RNF150: variants seen among roughly 807,000 people sequenced by gnomAD.
The protein encoded by RNF150 is ring finger protein 150.
A neutral mutation model predicts 39.3 loss-of-function variants in RNF150; 24 were observed. The ratio of observed to expected loss-of-function variants is 0.61; its 90% CI spans 0.44 to 0.86. The LOEUF is 0.86. Among genes scored for constraint, RNF150 ranks in the 40% least tolerant of loss-of-function variants. RNF150 has a pLI of 0.00. For synonymous variants in RNF150, 255 were observed against 227.3 expected, an observed-to-expected ratio of 1.12 and a Z score of -1.10; for missense variants, 502 against 587.8, an observed-to-expected ratio of 0.85 and a Z score of 1.51.
At chr4:141,102,922 G>A (rs1304974236) in intron 1 of RNF150, among the ~76,000 whole-genome samples, 2 of 152,162 alleles carry the variant, frequency 1.3e-5, no homozygotes, top group Non-Finnish European at 1.5e-5. Context: ...GAGGGGCCAG[G>A]GTGGTAATGG....
intron 1 of RNF150, among the ~76,000 whole-genome samples, chr4:141,183,813 C>T (rs892095125): frequency 8.5e-5 from 13 of 152,118 alleles, no homozygotes; most frequent in Admixed American, 3.9e-4. Flanking sequence ...CAGCTTCATC[C>T]ATGTCCTTGC....
chr4:141,140,445 T>C (rs1261416045), intron 1 of RNF150, among the ~76,000 whole-genome samples: 5 of 152,224 alleles, frequency 3.3e-5, no homozygotes, highest in Admixed American at 2.6e-4. Flanking sequence ...AAAAACTCAT[T>C]TGAGACTTGA....
intron 1 of RNF150, among the ~76,000 whole-genome samples, chr4:141,118,864 G>A (rs920849012): frequency 4.6e-5 from 7 of 152,082 alleles, no homozygotes; most frequent in East Asian, 1.9e-4. Flanking sequence ...GGGTTCAAGC[G>A]ATTCTCCTGC....
chr4:141,090,102 A>T (rs1353069384), intron 1 of RNF150, among the ~76,000 whole-genome samples: 1 of 152,174 alleles, frequency 6.6e-6, no homozygotes, highest in Admixed American at 6.5e-5. Flanking sequence ...AAGTGTGACA[A>T]TGTTAACATG....
intron 1 of RNF150, among the ~76,000 whole-genome samples, chr4:141,067,811 T>C (rs115563503): frequency 8.9e-4 from 135 of 152,246 alleles, no homozygotes; most frequent in Admixed American, 1.7e-3. Flanking sequence ...ATAGGAAACA[T>C]ACATGTCAAA....
chr4:141,207,888 G>A (rs1219904542), intron 1 of RNF150, among the ~76,000 whole-genome samples: 1 of 152,114 alleles, frequency 6.6e-6, no homozygotes, highest in African/African-American at 2.4e-5. Context: ...GGTTTAGTCA[G>A]GACAAAAGAA....
Position 140,967,888 on chromosome 4 carries a change from G to A in RNF150, c.485-15C>T, listed in dbSNP as rs1213737691. 1 of 1,611,058 alleles carries A rather than the reference G, an allele frequency of 6.2e-7. No individual in the cohort carries two copies. The highest frequency in any genetic ancestry group is 8.5e-7 in the Non-Finnish European group (1 of 1,177,670). ...GTCTTCTACACCTGTGGTAAGAGGG[G>A]AAGGAAGGGGCAATAAAGGTTAGGG... On this transcript the variant is annotated splice_polypyrimidine_tract_variant and intron_variant, in intron 1 of 6. Transcript: ENST00000515673.
At chr4:141,142,451 T>C (rs1727132991) in intron 1 of RNF150, among the ~76,000 whole-genome samples, 1 of 152,222 alleles carries the variant, frequency 6.6e-6, no homozygotes, top group Non-Finnish European at 1.5e-5. Flanking sequence ...TAGTCTCACC[T>C]GAAAAGAATC....
chr4:140,921,196 AATAATATAATTG>A (rs1383557475), intron 5 of RNF150, among the ~76,000 whole-genome samples: 2 of 151,090 alleles, frequency 1.3e-5, no homozygotes, highest in Admixed American at 6.6e-5. Flanking sequence ...TAATAATAAT[AATAATATAATTG>A]ATAGACCGCT....
intron 1 of RNF150, among the ~76,000 whole-genome samples, chr4:141,016,288 G>A (rs7688351): frequency 0.15 from 22,378 of 152,134 alleles, 2,122 homozygotes; most frequent in East Asian, 0.36. Flanking sequence ...AAGACTGACC[G>A]AAACAGGGAA....
At chr4:140,915,934 A>G (rs1281084791) in intron 5 of RNF150, among the ~76,000 whole-genome samples, 1 of 152,226 alleles carries the variant, frequency 6.6e-6, no homozygotes, top group African/African-American at 2.4e-5. Context: ...CCAGGCAAAC[A>G]GGGTCTGGAG....
intron 1 of RNF150, among the ~76,000 whole-genome samples, chr4:141,032,047 C>G (rs911907739): frequency 6.6e-6 from 1 of 151,226 alleles, no homozygotes; most frequent in African/African-American, 2.4e-5. Context: ...TATATATAAA[C>G]ATATATATAC....
chr4:141,017,217 C>T (rs1379706518), intron 1 of RNF150, among the ~76,000 whole-genome samples: 1 of 152,130 alleles, frequency 6.6e-6, no homozygotes, highest in Non-Finnish European at 1.5e-5. Flanking sequence ...TGTCAACTTT[C>T]TCAAAAACCA....
intron 6 of RNF150, among the ~76,000 whole-genome samples, chr4:140,878,837 A>G (rs1729270126): frequency 6.6e-6 from 1 of 152,186 alleles, no homozygotes; most frequent in African/African-American, 2.4e-5. Flanking sequence ...ATACAATGCC[A>G]TGAAGCTTTC....
intron 6 of RNF150, among the ~76,000 whole-genome samples, chr4:140,895,671 A>T (rs1729916854): frequency 6.6e-6 from 1 of 152,198 alleles, no homozygotes; most frequent in Admixed American, 6.5e-5. Context: ...GCTGCAATGC[A>T]CCCAAAGAAA....
chr4:141,000,781 G>C (rs138798822), intron 1 of RNF150, among the ~76,000 whole-genome samples: 2 of 152,166 alleles, frequency 1.3e-5, no homozygotes, highest in Non-Finnish European at 2.9e-5. Context: ...TGTGGATTTT[G>C]TTGGGAGGGA....
chr4:141,072,447 G>T (rs1737742787), intron 1 of RNF150, among the ~76,000 whole-genome samples: 1 of 152,186 alleles, frequency 6.6e-6, no homozygotes, highest in African/African-American at 2.4e-5. Flanking sequence ...GTTTGGGCAT[G>T]TGTGTTTTCA....
intron 1 of RNF150, among the ~76,000 whole-genome samples, chr4:141,082,620 G>A (rs1475537360): frequency 6.6e-6 from 1 of 151,380 alleles, no homozygotes; most frequent in Non-Finnish European, 1.5e-5. Flanking sequence ...ACGGAGTCTC[G>A]CTCTGTCGCC....
At chr4:140,947,118 T>C (rs1244540845) in intron 4 of RNF150, among the ~76,000 whole-genome samples, 1 of 151,944 alleles carries the variant, frequency 6.6e-6, no homozygotes, top group African/African-American at 2.4e-5. Flanking sequence ...CATCCTCCCC[T>C]AGATGCAAGA....
Sources: gnomAD v4.1 joint callset for allele counts (sites outside exome capture counted in the v4.1 genomes callset) on GRCh38, gnomAD v4.1.1 for gene constraint, MANE v1.5 for transcripts, NCBI Gene and HGNC (gene_info 2026-07-23, HGNC 2026-07-21) for gene names.